Variants in ZNF469 observed in about 807,000 individuals in gnomAD.
ZNF469 encodes zinc finger protein 469.
ZNF469 carries 1 observed loss-of-function variant against 1.0 expected under a neutral mutation model. The observed-to-expected ratio is 1.00, with a 90% CI of 0.35 to 4.73. The LOEUF is 4.73. Among genes scored for constraint, ZNF469 ranks in the 30% most tolerant of loss-of-function variants. ZNF469 has a pLI of 0.16. For synonymous variants in ZNF469, 2,703 were observed against 2,363.4 expected, an observed-to-expected ratio of 1.14 and a Z score of -4.17; for missense variants, 6,100 against 5,356.3, an observed-to-expected ratio of 1.14 and a Z score of -4.33.
At chr16:88,172,886 A>G in the ZNF469 span, among the ~76,000 whole-genome samples, 1 of 152,238 alleles carries the variant, frequency 6.6e-6, no homozygotes, top group Non-Finnish European at 1.5e-5. Context: ...TAGAGAAACT[A>G]TAGCTATAGC....
chr16:88,164,295 A>C, the ZNF469 span, among the ~76,000 whole-genome samples: 1 of 151,586 alleles, frequency 6.6e-6, no homozygotes, highest in Admixed American at 6.6e-5. Flanking sequence ...GAATGAATGG[A>C]TGGGTGGATG....
In ZNF469 at chr16:88,426,000, G is replaced by A. The variant is rs115275730; in HGVS notation, c.-127+1129G>A. On this transcript the variant is annotated intron_variant, in intron 2 of 2. Transcript: ENST00000565624. ...CAGGAAGAGCCAGCCGGAAGTACAG[G>A]TACCAACCTCGTGCTGGGGACAGAG... Among the ~76,000 whole-genome samples the A allele has an allele frequency of 9.8e-3, 1,494 of 152,370 alleles. 31 individuals are homozygous for A. Among genetic ancestry groups the A allele is most frequent in the African/African-American group, 0.034 (1,412 of 41,582 alleles).
At chr16:88,250,930 T>C in the ZNF469 span, among the ~76,000 whole-genome samples, 3 of 152,206 alleles carry the variant, frequency 2.0e-5, no homozygotes, top group Admixed American at 1.3e-4. Flanking sequence ...CAGGCTGGAG[T>C]GCAGCGGCAT....
rs777251198 is a variant in ZNF469, at chr16:88,428,003, T to C, written c.533T>C (p.Leu178Pro). ...GAGGCCCAACCCGCCGCCGAAGAGCTTGGCTTCCACAGGTGCTTCCAGGAG... is the reference window on the plus strand; with the variant it reads ...GAGGCCCAACCCGCCGCCGAAGAGCCTGGCTTCCACAGGTGCTTCCAGGAG... ...RTEAQPAAEE[L>P]GFHRCFQEPP... The change falls in exon 3 of 3, where the codon CTT becomes CCT. Residue 178 changes from leucine to proline, a missense_variant. Coordinates refer to ENST00000565624, the MANE Select transcript of ZNF469 (RefSeq NM_001367624.2). The C allele has an allele frequency of 3.2e-6, 5 of 1,549,782 alleles. No individual in the cohort carries two copies. Among genetic ancestry groups the C allele is most frequent in the South Asian group, 1.2e-5 (1 of 84,068 alleles).
chr16:88,189,970 C>G, the ZNF469 span, among the ~76,000 whole-genome samples: 6 of 152,138 alleles, frequency 3.9e-5, no homozygotes, highest in African/African-American at 1.4e-4. The surrounding 1 kb of genome is among the most constrained non-coding windows in gnomAD (Gnocchi z 4.3). Context: ...AGGAGGCAAC[C>G]AGACTCTGGG....
intron 1 of ZNF469, among the ~76,000 whole-genome samples, chr16:88,392,070 T>C (rs1904506121): frequency 6.6e-6 from 1 of 152,206 alleles, no homozygotes; most frequent in Non-Finnish European, 1.5e-5. Flanking sequence ...ACCCAAGTGA[T>C]TTTGGAGCCA....
At chr16:88,299,956 C>T in the ZNF469 span, among the ~76,000 whole-genome samples, 4 of 152,188 alleles carry the variant, frequency 2.6e-5, no homozygotes, top group African/African-American at 4.8e-5. Context: ...GGCATCACCA[C>T]GGCCCCTCTG....
At chr16:88,279,372 A>C in the ZNF469 span, among the ~76,000 whole-genome samples, 69 of 140,496 alleles carry the variant, frequency 4.9e-4, 3 homozygotes, top group African/African-American at 1.8e-3. Flanking sequence ...GCTGACGCTC[A>C]GTCAGTACCT....
the ZNF469 span, among the ~76,000 whole-genome samples, chr16:88,107,071 C>T: frequency 7.2e-5 from 11 of 152,204 alleles, no homozygotes; most frequent in Admixed American, 2.6e-4. Flanking sequence ...CGGGGGTCTG[C>T]GTGCCTCGGC....
the ZNF469 span, among the ~76,000 whole-genome samples, chr16:88,182,481 G>T: frequency 6.6e-6 from 1 of 151,822 alleles, no homozygotes; most frequent in Non-Finnish European, 1.5e-5. Context: ...CTTGATTTTT[G>T]CAAGAGGTAC....
chr16:88,164,380 G>A, the ZNF469 span, among the ~76,000 whole-genome samples: 192 of 150,176 alleles, frequency 1.3e-3, no homozygotes, highest in African/African-American at 4.5e-3. Flanking sequence ...ATGGGTGGAC[G>A]GATGCAGGAA....
chr16:88,297,000 ACTGT>A, the ZNF469 span, among the ~76,000 whole-genome samples: 1 of 152,240 alleles, frequency 6.6e-6, no homozygotes. Flanking sequence ...ATGCGTTCAA[ACTGT>A]CTCTCAGTGG....
intron 1 of ZNF469, among the ~76,000 whole-genome samples, chr16:88,423,875 C>T (rs1905589029): frequency 6.6e-6 from 1 of 152,250 alleles, no homozygotes; most frequent in Non-Finnish European, 1.5e-5. Context: ...GTCCAGCACC[C>T]CTCCTTCCAG....
Position 88,435,836 on chromosome 16 carries a change from T to C in ZNF469, c.8366T>C (p.Val2789Ala), listed in dbSNP as rs1014387847. 1.0e-5 allele frequency: 16 copies of C among 1,550,440 alleles called. No individual in the cohort carries two copies. Among genetic ancestry groups the C allele is most frequent in the Non-Finnish European group, 1.4e-5 (16 of 1,146,942 alleles). ...GCCCACAGCCGATCAGAGGAAGGTG[T>C]CTGGGAGGAGAACACGCCCCCCTTG... ...SRAHSRSEEG[V>A]WEENTPPLGP... Residue 2789 changes from valine (V) to alanine (A), a missense_variant, in exon 3 of 3, where the codon GTC becomes GCC. Coordinates refer to ENST00000565624, the MANE Select transcript of ZNF469 (RefSeq NM_001367624.2).
At chr16:88,123,169 C>G in the ZNF469 span, among the ~76,000 whole-genome samples, 1 of 152,180 alleles carries the variant, frequency 6.6e-6, no homozygotes, top group Non-Finnish European at 1.5e-5. Flanking sequence ...TGGAAAGGCC[C>G]TGCTCCACCC....
At chr16:88,337,759 T>C in the ZNF469 span, among the ~76,000 whole-genome samples, 5 of 152,190 alleles carry the variant, frequency 3.3e-5, no homozygotes, top group Admixed American at 6.5e-5. Flanking sequence ...CCCTGGTGGC[T>C]GATGGTGTCA....
At chr16:88,266,353 C>G in the ZNF469 span, among the ~76,000 whole-genome samples, 1 of 152,220 alleles carries the variant, frequency 6.6e-6, no homozygotes. Context: ...TGGGGCCGCT[C>G]CGGCTGAGCT....
intron 1 of ZNF469, among the ~76,000 whole-genome samples, chr16:88,386,001 A>C (rs2092536005): frequency 1.3e-5 from 2 of 152,168 alleles, no homozygotes; most frequent in Non-Finnish European, 2.9e-5. Context: ...TGAGTGGTGC[A>C]AGGTGCCAGC....
At chr16:88,382,882 C>T (rs1020453606), upstream of ZNF469, among the ~76,000 whole-genome samples, 8 of 148,084 alleles carry the variant, frequency 5.4e-5, no homozygotes, top group African/African-American at 1.8e-4. Context: ...CTAGGAAAAG[C>T]GGCGCTAAAA....
Sources: gnomAD v4.1 joint callset for allele counts (sites outside exome capture counted in the v4.1 genomes callset) on GRCh38, gnomAD v4.1.1 for gene constraint, Gnocchi (gnomAD v3.1) non-coding constraint, MANE v1.5 for transcripts, NCBI Gene and HGNC (gene_info 2026-07-23, HGNC 2026-07-21) for gene names.